The following BAHCC1 variants were observed in gnomAD, a reference collection of about 807,000 sequenced individuals.
The protein encoded by BAHCC1 is BAH and coiled-coil domain-containing protein 1.
In BAHCC1, 43 loss-of-function variants were observed where a neutral mutation model predicts 88.2. The ratio of observed to expected loss-of-function variants is 0.49; its 90% CI spans 0.38 to 0.63. BAHCC1 has a LOEUF of 0.63. Among genes scored for constraint, BAHCC1 ranks in the 20% least tolerant of loss-of-function variants. The pLI is 0.00. For missense variants in BAHCC1, 3,023 were observed against 1,654.8 expected (o/e 1.83, Z -14.34); for synonymous variants, 1,510 against 745.5 (o/e 2.03, Z -16.71).
rs1336086205 is a variant in BAHCC1 at position 81,465,858 on chromosome 17, A to G, written c.*2041A>G. ...TTGTCTCGCATGAGTGCAATATTTC[A>G]TTCCCGGTGGTTGTCTGGGGAGGTG... is the stretch of plus-strand genomic sequence containing the variant. On this transcript the variant is annotated 3_prime_UTR_variant, in exon 28 of 28. Coordinates refer to ENST00000675386, the MANE Select transcript of BAHCC1 (RefSeq NM_001377448.1). 6.6e-6 allele frequency: 1 copy of G among 151,962 alleles called. No homozygotes were observed. Among genetic ancestry groups the G allele is most frequent in the Non-Finnish European group, 1.5e-5 (1 of 67,882 alleles). 9.4% of individuals were successfully genotyped at this position (151,962 alleles called of 1,614,324 possible). A position where few individuals can be genotyped will look rare whatever the true frequency, so the allele number is the denominator to read the frequency against.
At chr17:81,424,872 G>T (rs1298105106) in intron 2 of BAHCC1, among the ~76,000 whole-genome samples, 1 of 151,654 alleles carries the variant, frequency 6.6e-6, no homozygotes, top group African/African-American at 2.4e-5. Flanking sequence ...TGGTGATGAT[G>T]ATGGTAGGTG....
At chr17:81,453,253 C>CGGCGGGGCCA (rs1568029891) in intron 14 of BAHCC1, among the ~76,000 whole-genome samples, 1 of 152,194 alleles carries the variant, frequency 6.6e-6, no homozygotes, top group Non-Finnish European at 1.5e-5. Context: ...TCACGGCTGC[C>CGGCGGGGCCA]GGCGCGATGT....
intron 2 of BAHCC1, among the ~76,000 whole-genome samples, chr17:81,408,549 G>C (rs1275201508): frequency 6.6e-6 from 1 of 152,102 alleles, no homozygotes; most frequent in Admixed American, 6.5e-5. Flanking sequence ...CCACCCTGGA[G>C]TTCTGATCCC....
chr17:81,452,143 G>A (rs782120144), intron 13 of BAHCC1, 36 bp downstream of exon 13: 11 of 236,952 alleles, frequency 4.6e-5, no homozygotes, highest in Middle Eastern at 9.6e-4. Flanking sequence ...TGGGAGGGTC[G>A]CAGCACCCCC....
At position 81,461,562 on chromosome 17, in the gene BAHCC1, C is replaced by T. The variant is rs782615776; in HGVS notation, c.6899C>T (p.Pro2300Leu). 2.4e-5 allele frequency: 17 copies of T among 720,656 alleles called. No individual in the cohort carries two copies. The highest frequency in any genetic ancestry group is 1.2e-4 in the South Asian group (8 of 67,700). The allele number at this position is 720,656 out of a possible 1,614,324, so 44.6% of individuals were successfully genotyped here. The change falls in exon 26 of 28, where the codon CCG becomes CTG. Residue 2300 changes from proline (P) to leucine (L), a missense_variant. Transcript: ENST00000675386. ...TTCTCGGACGAGGACGAGGACGGGC[C>T]GGGGCTGGCGGCCGGCGTGCCCTCC... ...SSFSDEDEDGPGLAAGVPSRF... is the reference protein window; with the variant it reads ...SSFSDEDEDGLGLAAGVPSRF...
In BAHCC1 at chr17:81,459,211, C is replaced by T. The variant is rs782407619; in HGVS notation, c.5721-42C>T. 6.5e-6 allele frequency: 5 copies of T among 772,316 alleles called. No homozygotes were observed. The Admixed American group carries it at 8.6e-5, about 13-fold the overall frequency. 47.8% of individuals were successfully genotyped at this position (772,316 alleles called of 1,614,324 possible). A position where few individuals can be genotyped will look rare whatever the true frequency, so the allele number is the denominator to read the frequency against. On this transcript the variant is annotated intron_variant, in intron 21 of 27. Coordinates refer to ENST00000675386, the MANE Select transcript of BAHCC1 (RefSeq NM_001377448.1). ...TGGGGCAGGGCAGGGGCCTGGAGGGCAACCGAGACCCGTGGCACCTCACAT... is the reference window on the plus strand; with the variant it reads ...TGGGGCAGGGCAGGGGCCTGGAGGGTAACCGAGACCCGTGGCACCTCACAT...
rs556909055 is a variant in BAHCC1, at chr17:81,445,399, G to A, written c.2881G>A (p.Glu961Lys). 22 of 777,166 alleles carry A rather than the reference G, an allele frequency of 2.8e-5. No individual in the cohort carries two copies. Among genetic ancestry groups the A allele is most frequent in the East Asian group, 2.2e-4 (9 of 41,126 alleles). The allele number at this position is 777,166 out of a possible 1,614,324, so 48.1% of individuals were successfully genotyped here. The change falls in exon 10 of 28, where the codon GAG (glutamate) becomes AAG (lysine). Residue 961 changes from glutamate (E) to lysine (K), a missense_variant. Glu to Lys is a moderately conservative substitution (Grantham distance 56). Transcript: ENST00000675386. ...QHLDLEEPAQEKAPKSTHKPV... is the reference protein window; with the variant it reads ...QHLDLEEPAQKKAPKSTHKPV... The stretch of plus-strand genomic sequence containing the variant: ...CCTGGATCTGGAGGAGCCCGCCCAG[G>A]AGAAGGCCCCAAAGTCCACCCACAA...
intron 1 of BAHCC1, chr17:81,396,507 C>A (rs1329646092): frequency 1.3e-5 from 2 of 152,134 alleles, no homozygotes; most frequent in African/African-American, 4.8e-5. Flanking sequence ...GGAGCGGGTT[C>A]TGCGGCGACG....
chr17:81,426,483 G>T (rs1281995960), intron 2 of BAHCC1, among the ~76,000 whole-genome samples: 1 of 151,528 alleles, frequency 6.6e-6, no homozygotes, highest in Non-Finnish European at 1.5e-5. Context: ...GATAGTGGTG[G>T]GTGATATGGC....
rs927366945 is a variant in BAHCC1 at position 81,427,738 on chromosome 17, G to A, written c.358+759G>A. On this transcript the variant is annotated intron_variant, in intron 3 of 27. Transcript: ENST00000675386. ...AAGGGTTAAGCTCCCCCCGCCCCCC[G>A]CGGCTGGCACGCAGAGAGGTAATTG... Among the ~76,000 whole-genome samples, 9 of 152,124 alleles carry A rather than the reference G, an allele frequency of 5.9e-5. 1 individual carries two copies. The highest frequency in any genetic ancestry group is 3.3e-4 in the Admixed American group (5 of 15,288).
intron 3 of BAHCC1, 140 bp from the exon 4 acceptor site, chr17:81,438,230 T>TC (rs1555651990): frequency 3.1e-5 from 20 of 643,036 alleles, no homozygotes; most frequent in East Asian, 2.7e-5. Context: ...TGGGTTGATT[T>TC]CCCCCCGGCG....
At chr17:81,401,953 G>A (rs181436687) in intron 2 of BAHCC1, 1 of 152,390 alleles carries the variant, frequency 6.6e-6, no homozygotes, top group Non-Finnish European at 1.5e-5. Flanking sequence ...GGGTGGCCTA[G>A]CCCTTTGTCT....
intron 4 of BAHCC1, among the ~76,000 whole-genome samples, chr17:81,439,754 G>C (rs2064385908): frequency 6.6e-6 from 1 of 152,108 alleles, no homozygotes; most frequent in African/African-American, 2.4e-5. Context: ...GGGCCTGGGA[G>C]GCGGACTAGA....
chr17:81,456,571 C>A lies in BAHCC1; in HGVS notation c.4844C>A (p.Ala1615Glu), dbSNP rs1282911880. The A allele has an allele frequency of 1.4e-6, 1 of 706,016 alleles. No individual in the cohort carries two copies. Among genetic ancestry groups the A allele is most frequent in the African/African-American group, 1.8e-5 (1 of 56,584 alleles). 43.7% of individuals were successfully genotyped at this position (706,016 alleles called of 1,614,324 possible). ...PRCPAQPSVA[A>E]SQEAGSGYDS... ...TGCCCAGCCCAGCCCTCCGTGGCTG[C>A]GTCCCAGGAGGCAGGCAAGTTGCTG... The change falls in exon 16 of 28, where the codon GCG becomes GAG. Residue 1615 changes from alanine to glutamate, a missense_variant. Ala to Glu is a moderately radical substitution (Grantham distance 107). Transcript: ENST00000675386.
At chr17:81,433,316 G>A (rs1555651196) in intron 3 of BAHCC1, among the ~76,000 whole-genome samples, 1 of 152,186 alleles carries the variant, frequency 6.6e-6, no homozygotes, top group African/African-American at 2.4e-5. Context: ...TGGGAGCAGG[G>A]GTGTATGGCA....
chr17:81,445,044 C>T lies in BAHCC1; in HGVS notation c.2701C>T (p.Pro901Ser). 1.3e-6 allele frequency: 1 copy of T among 765,600 alleles called. No individual in the cohort carries two copies. The highest frequency in any genetic ancestry group is 2.4e-6 in the Non-Finnish European group (1 of 413,216). 47.4% of individuals were successfully genotyped at this position (765,600 alleles called of 1,614,324 possible). A position where few individuals can be genotyped will look rare whatever the true frequency, so the allele number is the denominator to read the frequency against. ...ADVMDQASLW[P>S]PMYGGRGPAS... ...TGTCATGGACCAGGCGTCACTGTGG[C>T]CCCCCATGTACGGGGGCCGGGGCCC... Residue 901 changes from proline (P) to serine (S), a missense_variant, in exon 9 of 28, where the codon CCC becomes TCC. Transcript: ENST00000675386.
At chr17:81,460,238 T>C (rs2030128651) in intron 23 of BAHCC1, 39 bp from the exon 24 acceptor site, 1 of 730,866 alleles carries the variant, frequency 1.4e-6, no homozygotes, top group Non-Finnish European at 2.5e-6. Flanking sequence ...GGGCGCCTAC[T>C]GGGGGTTCCA....
chr17:81,452,394 G>T (rs1314705895), intron 13 of BAHCC1, among the ~76,000 whole-genome samples: 1 of 151,816 alleles, frequency 6.6e-6, no homozygotes, highest in Non-Finnish European at 1.5e-5. Flanking sequence ...CGGGTGAGGG[G>T]ACAGTGGCAG....
chr17:81,450,663 G>C (rs1301591707), intron 11 of BAHCC1, among the ~76,000 whole-genome samples: 1 of 152,232 alleles, frequency 6.6e-6, no homozygotes, highest in Non-Finnish European at 1.5e-5. Context: ...GGCAGGGGCA[G>C]GGATTTGGTG....
Sources: gnomAD v4.1 joint callset for allele counts (sites outside exome capture counted in the v4.1 genomes callset) on GRCh38, gnomAD v4.1.1 for gene constraint, MANE v1.5 for transcripts, NCBI Gene and HGNC (gene_info 2026-07-23, HGNC 2026-07-21) for gene names.